Variants in PPP1R42 observed in about 807,000 individuals in gnomAD.
The protein encoded by PPP1R42 is leucine rich repeat containing 67.
Under a neutral mutation model 31.0 loss-of-function variants are expected in PPP1R42, and 34 were observed. The ratio of observed to expected loss-of-function variants is 1.10; its 90% CI spans 0.83 to 1.46. The LOEUF (loss-of-function observed/expected upper bound fraction) is 1.46, where lower values mean the gene tolerates loss of function less well. PPP1R42 is among the 40% of genes most tolerant of loss of function. The probability of loss-of-function intolerance (pLI) is 0.00; values close to 1 mark genes in which losing one functional copy is unlikely to be tolerated. For synonymous variants in PPP1R42, 103 were observed against 109.8 expected, an observed-to-expected ratio of 0.94 and a Z score of 0.39; for missense variants, 268 against 303.0, an observed-to-expected ratio of 0.88 and a Z score of 0.86.
At chr8:66,985,473 T>C in intron 6 of PPP1R42, 1 of 964,408 alleles carries the variant, frequency 1.0e-6, no homozygotes, top group East Asian at 2.4e-5. Flanking sequence ...GTGGTGTAGG[T>C]TTAATTTGGT....
chr8:67,020,584 CA>C (rs1237650068), intron 1 of PPP1R42, among the ~76,000 whole-genome samples: 1 of 152,208 alleles, frequency 6.6e-6, no homozygotes, highest in Non-Finnish European at 1.5e-5. Context: ...CAGGTTACTT[CA>C]ATTTCTTACA....
chr8:66,980,844 CT>C (rs879690078), intron 7 of PPP1R42, among the ~76,000 whole-genome samples: 116 of 145,700 alleles, frequency 8.0e-4, no homozygotes, highest in Admixed American at 3.8e-3. Context: ...GTGGTCAGTT[CT>C]TTTTTTTTTT....
chr8:67,023,941 G>A (rs1039845036), intron 1 of PPP1R42, among the ~76,000 whole-genome samples: 6 of 151,722 alleles, frequency 4.0e-5, no homozygotes, highest in Admixed American at 6.6e-5. Flanking sequence ...CCAAGAGATC[G>A]AGACCATCCT....
At chr8:66,971,025 T>C in intron 7 of PPP1R42, 1 of 1,529,614 alleles carries the variant, frequency 6.5e-7, no homozygotes, top group Non-Finnish European at 8.7e-7. Context: ...AGGAACTTTC[T>C]GGAGATGCAT....
chr8:66,976,426 A>C (rs574910437), intron 7 of PPP1R42, among the ~76,000 whole-genome samples: 8 of 152,320 alleles, frequency 5.3e-5, no homozygotes, highest in Non-Finnish European at 8.8e-5. Flanking sequence ...TCTTCCACAA[A>C]ACCAGTCCCT....
chr8:66,988,389 T>A lies in PPP1R42; in HGVS notation c.670+11A>T. 7.1e-7 allele frequency: 1 copy of A among 1,411,238 alleles called. No homozygotes were observed. The highest frequency in any genetic ancestry group is 9.2e-7 in the Non-Finnish European group (1 of 1,081,376). 87.4% of individuals were successfully genotyped at this position (1,411,238 alleles called of 1,614,324 possible). A position where few individuals can be genotyped will look rare whatever the true frequency, so the allele number is the denominator to read the frequency against. ...CATTCTCTTAAAAATTATATTAATA[T>A]AAATATGTACCCAGTGATTTGGACA... is the stretch of plus-strand genomic sequence containing the variant. On this transcript the variant is annotated intron_variant, in intron 6 of 7. Coordinates refer to ENST00000685739, the MANE Select transcript of PPP1R42 (RefSeq NM_001364910.1).
At chr8:67,000,997 C>A (rs1815467338) in intron 5 of PPP1R42, among the ~76,000 whole-genome samples, 1 of 152,080 alleles carries the variant, frequency 6.6e-6, no homozygotes, top group Admixed American at 6.5e-5. Context: ...AGGAGCATAA[C>A]TTTGAGGATT....
chr8:67,005,854 T>A (rs78419903), intron 5 of PPP1R42, among the ~76,000 whole-genome samples: 2,380 of 151,938 alleles, frequency 0.016, 42 homozygotes, highest in East Asian at 0.055. Context: ...TTTTTTTTTT[T>A]AAAAATCCTT....
chr8:66,965,090 C>T (rs1814343026), intron 7 of PPP1R42, among the ~76,000 whole-genome samples: 1 of 151,970 alleles, frequency 6.6e-6, no homozygotes. Context: ...CTTTTGAGAT[C>T]CATGTTGTTG....
chr8:67,008,052 A>G (rs1815738909), intron 5 of PPP1R42, among the ~76,000 whole-genome samples: 1 of 151,722 alleles, frequency 6.6e-6, no homozygotes, highest in Non-Finnish European at 1.5e-5. Context: ...ATGCACGGCT[A>G]ATTTTTTGTA....
At position 67,010,766 on chromosome 8, in the gene PPP1R42, T is replaced by C. The variant is rs778387540; in HGVS notation, c.501A>G (p.Leu167=). The C allele has an allele frequency of 6.2e-7, 1 of 1,608,466 alleles. No homozygotes were observed. Among genetic ancestry groups the C allele is most frequent in the Non-Finnish European group, 8.5e-7 (1 of 1,177,518 alleles). Residue 167 remains leucine, a synonymous_variant, in exon 5 of 8, where the codon CTA becomes CTG. Coordinates refer to ENST00000685739, the MANE Select transcript of PPP1R42 (RefSeq NM_001364910.1). ...NIDDITDLEL[L]ENLNQLIAVD... ...CGGCTATGAGCTGATTAAGATTCTCTAGTAGTTCTAAGTCTGTAATGTCAT... is the reference window on the plus strand; with the variant it reads ...CGGCTATGAGCTGATTAAGATTCTCCAGTAGTTCTAAGTCTGTAATGTCAT...
intron 6 of PPP1R42, chr8:66,985,313 G>T: frequency 1.2e-6 from 1 of 816,022 alleles, no homozygotes; most frequent in Non-Finnish European, 2.1e-6. Flanking sequence ...TGGACTCCAT[G>T]TCTTCTGATG....
intron 2 of PPP1R42, among the ~76,000 whole-genome samples, chr8:67,015,434 T>C (rs534503038): frequency 1.3e-5 from 2 of 152,266 alleles, no homozygotes; most frequent in South Asian, 4.1e-4. Flanking sequence ...AAATTCATAA[T>C]ATATAGTTAA....
intron 7 of PPP1R42, among the ~76,000 whole-genome samples, chr8:66,967,594 TGTTTTAACTGTTATTCGAGTTCA>T (rs374301326): frequency 0.01 from 1,534 of 152,338 alleles, 25 homozygotes; most frequent in African/African-American, 0.035. Flanking sequence ...GAAGGAAAGT[TGTTTTAACTGTTATTCGAGTTCA>T]CTTTTTAATT....
At chr8:67,016,749 G>A (rs1816027688) in intron 2 of PPP1R42, among the ~76,000 whole-genome samples, 2 of 152,056 alleles carry the variant, frequency 1.3e-5, no homozygotes, top group Admixed American at 6.6e-5. Flanking sequence ...GACCCACCAC[G>A]CTTAGCCAGG....
At chr8:66,986,684 A>T (rs1815027828) in intron 6 of PPP1R42, among the ~76,000 whole-genome samples, 1 of 152,222 alleles carries the variant, frequency 6.6e-6, no homozygotes, top group African/African-American at 2.4e-5. Flanking sequence ...AACTTCCTGA[A>T]GCGGAAATTA....
In PPP1R42 at chr8:66,987,328, G is replaced by A. The variant is rs569457166; in HGVS notation, c.670+1072C>T. ...TTTTTTTGAGACATTGTCTCACTTCGTCACCCAGGCTGGAGTGCAATGGCG... is the reference window on the plus strand; with the variant it reads ...TTTTTTTGAGACATTGTCTCACTTCATCACCCAGGCTGGAGTGCAATGGCG... On this transcript the variant is annotated intron_variant, in intron 6 of 7. Transcript: ENST00000685739. 3.3e-5 allele frequency among the ~76,000 whole-genome samples: 4 copies of A among 120,716 alleles called. No homozygotes were observed. In the Admixed American group the frequency reaches 3.4e-4, roughly 10 times the overall value. The allele number at this position is 120,716 out of a possible 152,430, so 79.2% of individuals were successfully genotyped here. A position where few individuals can be genotyped will look rare whatever the true frequency, so the allele number is the denominator to read the frequency against.
At chr8:66,974,640 A>G (rs1032701882) in intron 7 of PPP1R42, among the ~76,000 whole-genome samples, 8 of 152,180 alleles carry the variant, frequency 5.3e-5, no homozygotes, top group South Asian at 2.1e-4. Context: ...GATTACTGAC[A>G]TTGAGTATTT....
intron 7 of PPP1R42, among the ~76,000 whole-genome samples, chr8:66,967,658 A>T (rs1814423200): frequency 6.6e-6 from 1 of 152,214 alleles, no homozygotes; most frequent in African/African-American, 2.4e-5. Context: ...ATATTCTAAC[A>T]AAGGGTACTA....
Sources: allele counts gnomAD v4.1 joint callset (sites outside exome capture counted in the v4.1 genomes callset), GRCh38; gene constraint gnomAD v4.1.1; transcripts MANE v1.5; gene names NCBI Gene and HGNC (gene_info 2026-07-23, HGNC 2026-07-21).